Variants in DMD observed in about 807,000 individuals in gnomAD.
DMD encodes mutant dystrophin.
A neutral mutation model predicts 330.1 loss-of-function variants in DMD; 63 were observed. The observed-to-expected ratio is 0.19, with a 90% CI of 0.16 to 0.24. The LOEUF (loss-of-function observed/expected upper bound fraction) is 0.24, where lower values mean the gene tolerates loss of function less well. Among genes scored for constraint, DMD ranks in the 10% least tolerant of loss-of-function variants. DMD has a pLI of 1.00. For missense variants in DMD, 3,344 were observed against 2,684.1 expected (o/e 1.25, Z -5.43); for synonymous variants, 1,223 against 959.8 (o/e 1.27, Z -5.07).
chrX:32,801,890 C>T (rs931769941), intron 7 of DMD, among the ~76,000 whole-genome samples: 2 of 111,789 alleles, frequency 1.8e-5, no homozygotes, highest in African/African-American at 3.3e-5. Context: ...GTACCAGTAT[C>T]ATGCTGTTTT....
chrX:32,380,476 T>G (rs2097920271), intron 34 of DMD, 34 bp downstream of exon 34: 1 of 1,176,269 alleles, frequency 8.5e-7, no homozygotes, highest in Non-Finnish European at 1.2e-6. Flanking sequence ...TTTTCACGTA[T>G]GTTCAAAATA....
At chrX:32,357,545 T>C (rs1603631577) in intron 37 of DMD, among the ~76,000 whole-genome samples, 1 of 109,922 alleles carries the variant, frequency 9.1e-6, no homozygotes, top group African/African-American at 3.3e-5. Context: ...TTTTTTGAGG[T>C]CATCAGTGTA....
intron 60 of DMD, among the ~76,000 whole-genome samples, chrX:31,350,110 A>G (rs1279707599): frequency 9.0e-6 from 1 of 111,316 alleles, no homozygotes; most frequent in Non-Finnish European, 1.9e-5. Context: ...CATGAGGGAC[A>G]TATCAAACCT....
chrX:31,204,540 G>T (rs148407336), intron 66 of DMD, among the ~76,000 whole-genome samples: 3 of 112,380 alleles, frequency 2.7e-5, no homozygotes, highest in African/African-American at 9.7e-5. Context: ...CCACAGTTGG[G>T]ACTTCTTTAT....
chrX:32,701,820 C>A (rs1569471841), intron 7 of DMD, among the ~76,000 whole-genome samples: 1 of 111,014 alleles, frequency 9.0e-6, no homozygotes, highest in East Asian at 2.8e-4. Flanking sequence ...TTTTATTGCC[C>A]CCCAAAAAAT....
intron 2 of DMD, among the ~76,000 whole-genome samples, chrX:32,898,333 T>A (rs2085920069): frequency 8.9e-6 from 1 of 112,227 alleles, no homozygotes; most frequent in South Asian, 3.7e-4. Context: ...AGGCCTGAGA[T>A]ACATTTGGCT....
intron 44 of DMD, among the ~76,000 whole-genome samples, chrX:32,074,436 A>G (rs2096326230): frequency 8.9e-6 from 1 of 112,438 alleles, no homozygotes; most frequent in Non-Finnish European, 1.9e-5. Flanking sequence ...GTCAGAAACT[A>G]TAGCCTGTGT....
chrX:31,302,107 A>C (rs2054691965), intron 62 of DMD, among the ~76,000 whole-genome samples: 1 of 111,903 alleles, frequency 8.9e-6, no homozygotes, highest in Non-Finnish European at 1.9e-5. Flanking sequence ...AGCAACTACC[A>C]ACATCAAACA....
At chrX:31,614,643 G>C (rs2148325260) in intron 55 of DMD, among the ~76,000 whole-genome samples, 1 of 111,846 alleles carries the variant, frequency 8.9e-6, no homozygotes, top group Non-Finnish European at 1.9e-5. Flanking sequence ...TTACATTCAT[G>C]AAACTCTCTC....
chrX:32,846,723 T>TAAAAAAAAAAAAA (rs10564725), intron 3 of DMD, among the ~76,000 whole-genome samples: 1 of 53,585 alleles, frequency 1.9e-5, no homozygotes, highest in African/African-American at 6.9e-5. Flanking sequence ...ACTTTAGATT[T>TAAAAAAAAAAAAA]AAAAAAAAAA....
intron 11 of DMD, among the ~76,000 whole-genome samples, chrX:32,630,943 C>T (rs1015201767): frequency 2.7e-5 from 3 of 111,343 alleles, no homozygotes; most frequent in African/African-American, 3.3e-5. Context: ...TTTGCAGTAT[C>T]GGCTTGTTTG....
At chrX:31,637,923 A>T (rs767772734) in intron 54 of DMD, among the ~76,000 whole-genome samples, 1 of 111,699 alleles carries the variant, frequency 9.0e-6, no homozygotes, top group South Asian at 3.7e-4. Context: ...TGCTTTGCAA[A>T]TGTACAGATA....
intron 16 of DMD, among the ~76,000 whole-genome samples, chrX:32,554,309 C>A (rs1218759939): frequency 1.8e-5 from 2 of 110,801 alleles, no homozygotes; most frequent in Non-Finnish European, 3.8e-5. Context: ...CTCCAAAAAA[C>A]TAAATGAATC....
intron 1 of DMD, among the ~76,000 whole-genome samples, chrX:33,321,965 G>A (rs190690301): frequency 4.5e-5 from 5 of 111,587 alleles, no homozygotes; most frequent in Admixed American, 1.9e-4. Flanking sequence ...CTCAGCCTTC[G>A]TAGAATTGAA....
At chrX:33,168,794 C>G (rs967856583) in intron 1 of DMD, among the ~76,000 whole-genome samples, 3 of 109,512 alleles carry the variant, frequency 2.7e-5, no homozygotes, top group African/African-American at 9.9e-5. Context: ...ATCATGGTGA[C>G]AAAATCAAAG....
chrX:31,997,771 T>G (rs1323000639), intron 44 of DMD, among the ~76,000 whole-genome samples: 1 of 111,304 alleles, frequency 9.0e-6, no homozygotes, highest in Non-Finnish European at 1.9e-5. Flanking sequence ...AGCAGTCGCC[T>G]TAAGCACATT....
chrX:33,261,924 AACCACCACCACCACC>A (rs747997803), intron 1 of DMD, among the ~76,000 whole-genome samples: 1 of 100,875 alleles, frequency 9.9e-6, no homozygotes, highest in Non-Finnish European at 2.0e-5. Context: ...AAAGGCAGAA[AACCACCACCACCACC>A]ACCACCACCA....
intron 1 of DMD, among the ~76,000 whole-genome samples, chrX:33,277,277 G>C (rs991347768): frequency 9.0e-6 from 1 of 111,208 alleles, no homozygotes; most frequent in Non-Finnish European, 1.9e-5. Context: ...AGGGAGGAGT[G>C]TGGACTAACT....
intron 63 of DMD, among the ~76,000 whole-genome samples, chrX:31,249,591 T>C (rs1018769984): frequency 1.8e-5 from 2 of 111,395 alleles, no homozygotes; most frequent in African/African-American, 6.5e-5. Flanking sequence ...ATTATTTTAA[T>C]TTGCATGTCA....
Sources: gnomAD v4.1 joint callset for allele counts (sites outside exome capture counted in the v4.1 genomes callset) on GRCh38, gnomAD v4.1.1 for gene constraint, MANE v1.5 for transcripts, NCBI Gene and HGNC (gene_info 2026-07-23, HGNC 2026-07-21) for gene names.